RYR3: variants seen among roughly 807,000 people sequenced by gnomAD.
RYR3 encodes the protein ryanodine receptor 3.
In RYR3, 207 loss-of-function variants were observed where a neutral mutation model predicts 584.3. The ratio of observed to expected loss-of-function variants is 0.35; its 90% CI spans 0.32 to 0.40. RYR3 has a LOEUF of 0.40. Ranked by LOEUF, RYR3 falls within the 10% of genes least tolerant of loss-of-function variation. The pLI, the probability that RYR3 is intolerant of heterozygous loss-of-function variation, is 1.00. For synonymous variants in RYR3, 2,416 were observed against 2,248.5 expected (o/e 1.07, Z -2.11); for missense variants, 5,616 against 6,089.2 (o/e 0.92, Z 2.59).
At chr15:33,721,537 G>A (rs531861896) in intron 43 of RYR3, among the ~76,000 whole-genome samples, 1 of 152,132 alleles carries the variant, frequency 6.6e-6, no homozygotes, top group Non-Finnish European at 1.5e-5. Context: ...AATACCTAGG[G>A]TATTTCTGTA....
intron 19 of RYR3, among the ~76,000 whole-genome samples, chr15:33,613,967 A>G (rs1168273189): frequency 1.3e-5 from 2 of 152,178 alleles, no homozygotes; most frequent in Non-Finnish European, 2.9e-5. Context: ...GTCTATGCCA[A>G]TTTCATTTTT....
chr15:33,311,092 G>A lies in RYR3; in HGVS notation c.47G>A (p.Arg16Lys), dbSNP rs574220880. 4.9e-5 allele frequency: 78 copies of A among 1,578,176 alleles called. 2 individuals are homozygous for A. The South Asian group carries it at 8.3e-4, about 17-fold the overall frequency. Reference sequence around the variant, plus strand: ...GGCGAGGACGAGATCCAGTTTCTGAGGACTGTGAGTCTCCGCGGCGGGGGC... The same window carrying A: ...GGCGAGGACGAGATCCAGTTTCTGAAGACTGTGAGTCTCCGCGGCGGGGGC... Reference protein sequence around the residue: ...EGGEDEIQFLRTEDEVVLQCI... With the variant: ...EGGEDEIQFLKTEDEVVLQCI... The change falls in exon 1 of 104, where the codon AGG (arginine) becomes AAG (lysine). Residue 16 changes from arginine (R) to lysine (K), a missense_variant. Physicochemically the swap from Arg to Lys is conservative, Grantham distance 26 (BLOSUM62 2). Coordinates refer to ENST00000634891, the MANE Select transcript of RYR3 (RefSeq NM_001036.6). This position sits in a 1 kb window ranked among gnomAD's most constrained non-coding sequence, Gnocchi z 4.4.
intron 38 of RYR3, among the ~76,000 whole-genome samples, chr15:33,681,696 C>G (rs1351486788): frequency 6.6e-6 from 1 of 152,206 alleles, no homozygotes; most frequent in South Asian, 2.1e-4. Context: ...CCTTTACATG[C>G]ACATAATTAT....
At chr15:33,752,551 G>A (rs2071416652) in intron 57 of RYR3, among the ~76,000 whole-genome samples, 1 of 152,134 alleles carries the variant, frequency 6.6e-6, no homozygotes, top group Non-Finnish European at 1.5e-5. Flanking sequence ...TGGTGTATAG[G>A]AATGCTTGTG....
intron 99 of RYR3, 65 bp downstream of exon 99, chr15:33,857,979 C>G (rs1260466062): frequency 6.3e-7 from 1 of 1,599,184 alleles, no homozygotes; most frequent in Non-Finnish European, 8.5e-7. Flanking sequence ...CACCACCTCA[C>G]TGGGAAGAAG....
chr15:33,764,482 C>A (rs1446475065), intron 60 of RYR3, among the ~76,000 whole-genome samples: 1 of 151,652 alleles, frequency 6.6e-6, no homozygotes, highest in Non-Finnish European at 1.5e-5. Flanking sequence ...ATGTAGATGA[C>A]AGGTTGATGG....
chr15:33,788,796 T>C (rs991465581), intron 67 of RYR3, among the ~76,000 whole-genome samples: 1 of 152,226 alleles, frequency 6.6e-6, no homozygotes, highest in Non-Finnish European at 1.5e-5. Context: ...ACTGCCTGAC[T>C]GTGTGTTAAG....
chr15:33,755,494 C>T (rs1028087346), intron 58 of RYR3, among the ~76,000 whole-genome samples: 27 of 152,032 alleles, frequency 1.8e-4, no homozygotes, highest in Non-Finnish European at 2.8e-4. Flanking sequence ...TGGTGGTGCA[C>T]GCCTGTAGTC....
intron 58 of RYR3, 100 bp downstream of exon 58, chr15:33,755,280 AT>A: frequency 1.3e-6 from 1 of 761,878 alleles, no homozygotes. Flanking sequence ...TAGGTGCATG[AT>A]TTTAGGGGGA....
chr15:33,555,380 A>G (rs185701036), intron 10 of RYR3, among the ~76,000 whole-genome samples: 7 of 152,302 alleles, frequency 4.6e-5, no homozygotes, highest in African/African-American at 1.7e-4. Flanking sequence ...AAAGAGGAAA[A>G]TACGGATAGT....
At chr15:33,360,814 T>G (rs1433300035) in intron 1 of RYR3, among the ~76,000 whole-genome samples, 1 of 152,170 alleles carries the variant, frequency 6.6e-6, no homozygotes, top group African/African-American at 2.4e-5. Context: ...GTAAATTATT[T>G]TCTATAGCCC....
Position 33,733,537 on chromosome 15 carries a change from C to T in RYR3, c.7424+1843C>T, listed in dbSNP as rs549512241. ...GTATGATTCCAACTATATGGCTTTCCGGAAAAGGCAAAGCTAAGGAAACAG... is the reference window on the plus strand; with the variant it reads ...GTATGATTCCAACTATATGGCTTTCTGGAAAAGGCAAAGCTAAGGAAACAG... On this transcript the variant is annotated intron_variant, in intron 48 of 103. Transcript: ENST00000634891. Among the ~76,000 whole-genome samples the T allele has an allele frequency of 1.2e-4, 18 of 152,148 alleles. No individual in the cohort carries two copies. The South Asian group carries it at 2.1e-3, about 18-fold the overall frequency.
intron 12 of RYR3, among the ~76,000 whole-genome samples, chr15:33,577,890 A>G (rs2058380688): frequency 6.6e-6 from 1 of 152,254 alleles, no homozygotes; most frequent in Non-Finnish European, 1.5e-5. Context: ...TCTAATATCC[A>G]GAATCTACAA....
rs749097866 is a variant in RYR3, at chr15:33,566,766, G to A, written c.1235G>A (p.Arg412Gln). The change falls in exon 12 of 104, where the codon CGG becomes CAG. Residue 412 changes from arginine to glutamine, a missense_variant. Arg to Gln is a conservative substitution (Grantham distance 43, BLOSUM62 1). Transcript: ENST00000634891. ...REESQAARII[R>Q]NTTALFSQFV... Reference sequence around the variant, plus strand: ...GAGTCCCAGGCTGCTCGGATCATCCGGAACACTACAGCCTTATTCAGCCAG... The same window carrying A: ...GAGTCCCAGGCTGCTCGGATCATCCAGAACACTACAGCCTTATTCAGCCAG... 1.1e-5 allele frequency: 18 copies of A among 1,613,600 alleles called. No individual in the cohort carries two copies. Among genetic ancestry groups the A allele is most frequent in the East Asian group, 2.2e-5 (1 of 44,874 alleles).
At chr15:33,811,110 C>A (rs551208406) in intron 72 of RYR3, 73 bp downstream of exon 72, 37 of 1,228,084 alleles carry the variant, frequency 3.0e-5, no homozygotes, top group Non-Finnish European at 3.8e-5. Flanking sequence ...CTTTTCACTT[C>A]ATTTACTCAT....
chr15:33,837,865 T>C lies in RYR3; in HGVS notation c.11885T>C (p.Leu3962Pro). Reference sequence around the variant, plus strand: ...TACACGCAGTCAGAGATTGACTTTCTCCTGTCGTGTGCAGAAGCTGATGAG... The same window carrying C: ...TACACGCAGTCAGAGATTGACTTTCCCCTGTCGTGTGCAGAAGCTGATGAG... ...KQYTQSEIDFLLSCAEADEND... is the reference protein window; with the variant it reads ...KQYTQSEIDFPLSCAEADEND... The change falls in exon 89 of 104, where the codon CTC becomes CCC. Residue 3962 changes from leucine (L) to proline (P), a missense_variant. By Grantham distance (98) the Leu-to-Pro change is moderately conservative. Transcript: ENST00000634891. 6.2e-7 allele frequency: 1 copy of C among 1,614,036 alleles called. No individual in the cohort carries two copies. Among genetic ancestry groups the C allele is most frequent in the Non-Finnish European group, 8.5e-7 (1 of 1,179,896 alleles).
chr15:33,741,413 C>T (rs1259570114), intron 51 of RYR3, among the ~76,000 whole-genome samples: 2 of 152,120 alleles, frequency 1.3e-5, no homozygotes, highest in Non-Finnish European at 2.9e-5. Flanking sequence ...GACTTAAATT[C>T]CGTGGAGAGA....
chr15:33,802,427 TG>T (rs1468475189), intron 69 of RYR3, among the ~76,000 whole-genome samples: 1 of 152,218 alleles, frequency 6.6e-6, no homozygotes, highest in Admixed American at 6.5e-5. Context: ...ATTTCAGCTG[TG>T]TTGATCTCTT....
At chr15:33,634,537 G>T (rs1274842111) in intron 24 of RYR3, 49 bp from the exon 25 acceptor site, 1 of 1,601,458 alleles carries the variant, frequency 6.2e-7, no homozygotes, top group East Asian at 2.2e-5. Context: ...GTGAGCTGTG[G>T]TGAAGGTGAA....
Sources: allele counts gnomAD v4.1 joint callset (sites outside exome capture counted in the v4.1 genomes callset), GRCh38; gene constraint gnomAD v4.1.1; non-coding constraint Gnocchi (gnomAD v3.1); transcripts MANE v1.5; gene names NCBI Gene and HGNC (gene_info 2026-07-23, HGNC 2026-07-21).